Variants in PUM2 observed in about 807,000 individuals in gnomAD.
The protein encoded by PUM2 is pumilio homolog 2.
In PUM2, 57 loss-of-function variants were observed where a neutral mutation model predicts 124.5. The ratio of observed to expected loss-of-function variants is 0.46; its 90% CI spans 0.37 to 0.57. PUM2 has a LOEUF of 0.57. Among genes scored for constraint, PUM2 ranks in the 20% least tolerant of loss-of-function variants. The pLI is 0.00. For synonymous variants in PUM2, 460 were observed against 446.1 expected, an observed-to-expected ratio of 1.03 and a Z score of -0.39; for missense variants, 1,065 against 1,290.6, an observed-to-expected ratio of 0.83 and a Z score of 2.68.
At chr2:20,272,978 T>C (rs765980236) in intron 13 of PUM2, among the ~76,000 whole-genome samples, 14 of 152,226 alleles carry the variant, frequency 9.2e-5, no homozygotes, top group Non-Finnish European at 2.1e-4. Flanking sequence ...TATATGCTAC[T>C]TTCATTTTTA....
At chr2:20,326,892 A>G (rs1683817766) in intron 2 of PUM2, among the ~76,000 whole-genome samples, 1 of 152,346 alleles carries the variant, frequency 6.6e-6, no homozygotes, top group South Asian at 2.1e-4. Context: ...CTTGTAGAAG[A>G]TTAGAAGTTT....
rs554900817 is a variant in PUM2, at chr2:20,256,935, T to C, written c.2485-765A>G. ...GGCGCATGTCTGTAATCCCAGCTACTTCGGAGGCTGAGGCAGGAGAATCAC... is the reference window on the plus strand; with the variant it reads ...GGCGCATGTCTGTAATCCCAGCTACCTCGGAGGCTGAGGCAGGAGAATCAC... On this transcript the variant is annotated intron_variant, in intron 16 of 20. Coordinates refer to ENST00000361078, the MANE Select transcript of PUM2 (RefSeq NM_015317.5). 2.2e-4 allele frequency among the ~76,000 whole-genome samples: 33 copies of C among 150,214 alleles called. No individual in the cohort carries two copies. The South Asian group carries it at 6.9e-3, about 32-fold the overall frequency.
At chr2:20,312,211 A>C in intron 4 of PUM2, 25 bp downstream of exon 4, 1 of 1,529,214 alleles carries the variant, frequency 6.5e-7, no homozygotes, top group Non-Finnish European at 8.9e-7. Flanking sequence ...CAAATATTAA[A>C]TATTTCTTTA....
chr2:20,341,518 G>T (rs1434097800), intron 1 of PUM2, among the ~76,000 whole-genome samples: 2 of 152,172 alleles, frequency 1.3e-5, no homozygotes, highest in African/African-American at 2.4e-5. Context: ...TTTGTGGGAA[G>T]TACGAAAAAA....
At chr2:20,350,522 C>A (rs1689143288) in intron 1 of PUM2, 75 bp downstream of exon 1, 1 of 985,566 alleles carries the variant, frequency 1.0e-6, no homozygotes, top group South Asian at 4.7e-5. Context: ...CCGCCGAGGC[C>A]GCCGCACAAA....
chr2:20,265,025 C>A (rs1365233406), intron 13 of PUM2, among the ~76,000 whole-genome samples: 5 of 152,048 alleles, frequency 3.3e-5, no homozygotes, highest in Non-Finnish European at 7.4e-5. Context: ...ATGCTAGCTA[C>A]CTGGTGCCTG....
At position 20,312,879 on chromosome 2, in the gene PUM2, C is replaced by A. The variant is rs1481468828; in HGVS notation, c.161-456G>T. Among the ~76,000 whole-genome samples, 3 of 152,256 alleles carry A rather than the reference C, an allele frequency of 2.0e-5. No individual in the cohort carries two copies. In the East Asian group the frequency reaches 5.8e-4, roughly 29 times the overall value. On this transcript the variant is annotated intron_variant, in intron 3 of 20. Transcript: ENST00000361078. ...CTGGTACCAAAACAGATATATAGAT[C>A]AACGGAACAGAACAGAGGCCTCAGA...
chr2:20,321,980 CA>C (rs573310695), intron 2 of PUM2, among the ~76,000 whole-genome samples: 101 of 144,090 alleles, frequency 7.0e-4, no homozygotes, highest in Admixed American at 9.0e-4. Flanking sequence ...CATGCTGCAT[CA>C]AAAAAAAAAA....
intron 13 of PUM2, among the ~76,000 whole-genome samples, chr2:20,272,246 A>C (rs1214766643): frequency 6.6e-6 from 1 of 152,014 alleles, no homozygotes; most frequent in Non-Finnish European, 1.5e-5. Context: ...CATCTGGAAG[A>C]AGCCAGATAA....
intron 19 of PUM2, 96 bp downstream of exon 19, chr2:20,254,767 A>T: frequency 7.9e-7 from 1 of 1,269,944 alleles, no homozygotes; most frequent in Non-Finnish European, 1.1e-6. Flanking sequence ...AAAAGACTAC[A>T]GTTTAATGCT....
In PUM2 at chr2:20,312,515, A is replaced by G. The variant is rs1292329401; in HGVS notation, c.161-92T>C. 4 of 1,177,682 alleles carry G rather than the reference A, an allele frequency of 3.4e-6. No homozygotes were observed. The Admixed American group carries it at 1.1e-4, about 32-fold the overall frequency. The allele number at this position is 1,177,682 out of a possible 1,614,324, so 73.0% of individuals were successfully genotyped here. ...ATATACTGAAGTAAGAAAAATCAGCACATTGTTTTATTTTGAATGTTATTA... is the reference window on the plus strand; with the variant it reads ...ATATACTGAAGTAAGAAAAATCAGCGCATTGTTTTATTTTGAATGTTATTA... On this transcript the variant is annotated intron_variant, in intron 3 of 20. Coordinates refer to ENST00000361078, the MANE Select transcript of PUM2 (RefSeq NM_015317.5).
intron 13 of PUM2, among the ~76,000 whole-genome samples, chr2:20,267,608 C>T (rs949246081): frequency 3.9e-5 from 6 of 152,154 alleles, no homozygotes; most frequent in African/African-American, 1.2e-4. Flanking sequence ...CTTTTCATTT[C>T]GTCATTCAGT....
At chr2:20,330,162 G>C (rs553734585) in intron 1 of PUM2, among the ~76,000 whole-genome samples, 29 of 152,202 alleles carry the variant, frequency 1.9e-4, no homozygotes, top group African/African-American at 6.8e-4. Context: ...ATGGGGCCCA[G>C]AACATACAGG....
chr2:20,256,818 G>C (rs561897058), intron 16 of PUM2, among the ~76,000 whole-genome samples: 1 of 152,090 alleles, frequency 6.6e-6, no homozygotes, highest in East Asian at 1.9e-4. Flanking sequence ...GCCTGAGGCT[G>C]GTGGATCACC....
intron 7 of PUM2, among the ~76,000 whole-genome samples, chr2:20,306,454 G>A (rs1032655622): frequency 1.3e-5 from 2 of 152,068 alleles, no homozygotes; most frequent in Non-Finnish European, 2.9e-5. Context: ...CCGTTGTGCT[G>A]TCCATGAATA....
chr2:20,319,907 A>C (rs935900159), intron 2 of PUM2, among the ~76,000 whole-genome samples: 1 of 152,210 alleles, frequency 6.6e-6, no homozygotes, highest in Non-Finnish European at 1.5e-5. Flanking sequence ...TAAGAATAAC[A>C]AATAGAAAGA....
chr2:20,314,657 G>A lies in PUM2; in HGVS notation c.161-2234C>T, dbSNP rs79167108. ...TTAACTGTAATAATTTTGAAATGATGGCCAGGTTTGTTAAACCAAATCAAA... is the reference window on the plus strand; with the variant it reads ...TTAACTGTAATAATTTTGAAATGATAGCCAGGTTTGTTAAACCAAATCAAA... On this transcript the variant is annotated intron_variant, in intron 3 of 20. Transcript: ENST00000361078. Among the ~76,000 whole-genome samples, 627 of 152,204 alleles carry A rather than the reference G, an allele frequency of 4.1e-3. 7 individuals carry two copies. The highest frequency in any genetic ancestry group is 0.014 in the African/African-American group (590 of 41,530).
chr2:20,339,674 G>A (rs774341895), intron 1 of PUM2, among the ~76,000 whole-genome samples: 5 of 152,246 alleles, frequency 3.3e-5, no homozygotes, highest in African/African-American at 4.8e-5. Flanking sequence ...GAGGTCAGGA[G>A]TTCAAGACCA....
chr2:20,258,414 T>C (rs1344882740), intron 15 of PUM2, 43 bp from the exon 16 acceptor site: 1 of 1,588,318 alleles, frequency 6.3e-7, no homozygotes, highest in Non-Finnish European at 8.6e-7. Flanking sequence ...GACCTTAATA[T>C]TGCTTTGTTG....
Sources: allele counts gnomAD v4.1 joint callset (sites outside exome capture counted in the v4.1 genomes callset), GRCh38; gene constraint gnomAD v4.1.1; transcripts MANE v1.5; gene names NCBI Gene and HGNC (gene_info 2026-07-23, HGNC 2026-07-21).